FNTB: variants seen among roughly 807,000 people sequenced by gnomAD.
FNTB encodes the protein farnesyltransferase, CAAX box, subunit beta.
A neutral mutation model predicts 59.4 loss-of-function variants in FNTB; 27 were observed. The ratio of observed to expected loss-of-function variants is 0.45; its 90% CI spans 0.34 to 0.63. The LOEUF (loss-of-function observed/expected upper bound fraction) is 0.63, where lower values mean the gene tolerates loss of function less well. FNTB is among the 20% of genes least tolerant of loss of function. FNTB has a pLI of 0.02. For missense variants in FNTB, 449 were observed against 559.6 expected (o/e 0.80, Z 1.99); for synonymous variants, 230 against 220.7 (o/e 1.04, Z -0.37).
intron 1 of FNTB, among the ~76,000 whole-genome samples, chr14:65,002,510 G>A (rs891147079): frequency 6.6e-6 from 1 of 152,182 alleles, no homozygotes; most frequent in African/African-American, 2.4e-5. Flanking sequence ...TTGGGAGGCT[G>A]AGGCAGGAGA....
At position 65,012,705 on chromosome 14, in the gene FNTB, C is replaced by T. The variant is rs1452353833; in HGVS notation, c.282+316C>T. Among the ~76,000 whole-genome samples the T allele has an allele frequency of 2.0e-5, 3 of 152,214 alleles. No individual in the cohort carries two copies. Among genetic ancestry groups the T allele is most frequent in the Admixed American group, 6.5e-5 (1 of 15,280 alleles). ...TGGCTAAATGCCAGTTACCTGTTCA[C>T]CCTTAACCCTTTGCCCTATAAGCTG... On this transcript the variant is annotated intron_variant, in intron 3 of 11. Transcript: ENST00000246166. The surrounding 1 kb of genome is among the most constrained non-coding windows in gnomAD (Gnocchi z 5.0).
At chr14:64,987,223 T>C in intron 1 of FNTB, 126 bp downstream of exon 1, 1 of 1,201,566 alleles carries the variant, frequency 8.3e-7, no homozygotes, top group South Asian at 1.4e-5. Flanking sequence ...CCGCGGTGCC[T>C]TTCCTCTGGG....
Position 64,986,901 on chromosome 14 carries a change from C to A in FNTB, c.-53C>A. 6.2e-7 allele frequency: 1 copy of A among 1,604,532 alleles called. No individual in the cohort carries two copies. The highest frequency in any genetic ancestry group is 1.1e-5 in the South Asian group (1 of 90,914). The stretch of plus-strand genomic sequence containing the variant: ...TTTAGCCCGCTCGAGTTTCAATGCG[C>A]GTTGTTGCTTAACGAAGCAGAGTCC... On this transcript the variant is annotated 5_prime_UTR_variant, in exon 1 of 12. Transcript: ENST00000246166.
chr14:65,037,741 A>ATTTATTTATTAT (rs372196330), intron 7 of FNTB, among the ~76,000 whole-genome samples: 4 of 132,718 alleles, frequency 3.0e-5, no homozygotes, highest in Admixed American at 7.9e-5. Context: ...TTATTTATTT[A>ATTTATTTATTAT]TTATTTATTT....
At chr14:65,004,659 TTTCTTTTTC>T (rs1462690245) in intron 2 of FNTB, among the ~76,000 whole-genome samples, 1 of 152,108 alleles carries the variant, frequency 6.6e-6, no homozygotes, top group African/African-American at 2.4e-5. Context: ...TTTCTTTTTC[TTTCTTTTTC>T]TTTTTTTTTT....
chr14:65,040,688 C>A, intron 7 of FNTB, 102 bp from the exon 8 acceptor site: 1 of 1,340,210 alleles, frequency 7.5e-7, no homozygotes, highest in Middle Eastern at 3.0e-4. Flanking sequence ...ATGGTTCACA[C>A]CTTAATCTGA....
chr14:65,048,240 C>G (rs1232711078), intron 9 of FNTB, among the ~76,000 whole-genome samples: 7 of 151,586 alleles, frequency 4.6e-5, no homozygotes, highest in Non-Finnish European at 8.8e-5. Flanking sequence ...TCCTTGGCCA[C>G]ACAAAGTGCT....
intron 1 of FNTB, among the ~76,000 whole-genome samples, chr14:64,988,714 G>C (rs1471166600): frequency 1.3e-5 from 2 of 152,134 alleles, no homozygotes; most frequent in African/African-American, 4.8e-5. Context: ...TTACAGTCGT[G>C]AGCCACTGCT....
rs1298883361 is a variant in FNTB at position 64,990,138 on chromosome 14, G to T, written c.144+3041G>T. On this transcript the variant is annotated intron_variant, in intron 1 of 11. Coordinates refer to ENST00000246166, the MANE Select transcript of FNTB (RefSeq NM_002028.4). The surrounding 1 kb of genome is among the most constrained non-coding windows in gnomAD (Gnocchi z 5.2). ...AGCAGGGGGCTTAGCAAACCAGAGA[G>T]TAGGAGATGGGTCGGATCATGTAGG... is the stretch of plus-strand genomic sequence containing the variant. Among the ~76,000 whole-genome samples, 4 of 152,186 alleles carry T rather than the reference G, an allele frequency of 2.6e-5. No individual in the cohort carries two copies. The highest frequency in any genetic ancestry group is 9.7e-5 in the African/African-American group (4 of 41,442).
intron 8 of FNTB, among the ~76,000 whole-genome samples, chr14:65,043,127 G>C (rs1243221260): frequency 6.6e-6 from 1 of 152,168 alleles, no homozygotes; most frequent in African/African-American, 2.4e-5. Flanking sequence ...CCTTTCAGTT[G>C]AGTGAGGCAG....
intron 7 of FNTB, among the ~76,000 whole-genome samples, chr14:65,035,406 T>C (rs2062165731): frequency 6.6e-6 from 1 of 152,168 alleles, no homozygotes; most frequent in Non-Finnish European, 1.5e-5. Flanking sequence ...TGTACAGCTG[T>C]CATTTGCAGG....
In FNTB at chr14:64,987,108, A is replaced by C. The variant is rs375130871; in HGVS notation, c.144+11A>C. ...ACGTCCATAGAACAGGTGAGGTGGCAGGACTGGGCGAGGCGCCCGCGCGAT... is the reference window on the plus strand; with the variant it reads ...ACGTCCATAGAACAGGTGAGGTGGCCGGACTGGGCGAGGCGCCCGCGCGAT... On this transcript the variant is annotated intron_variant, in intron 1 of 11. Coordinates refer to ENST00000246166, the MANE Select transcript of FNTB (RefSeq NM_002028.4). The C allele has an allele frequency of 2.5e-6, 4 of 1,613,944 alleles. No homozygotes were observed. The highest frequency in any genetic ancestry group is 2.7e-5 in the African/African-American group (2 of 74,948).
Position 65,032,739 on chromosome 14 carries a change from C to T in FNTB, c.692+43C>T, listed in dbSNP as rs774228792. The T allele has an allele frequency of 4.1e-5, 64 of 1,580,110 alleles. No individual in the cohort carries two copies. The South Asian group carries it at 5.9e-4, about 15-fold the overall frequency. The stretch of plus-strand genomic sequence containing the variant: ...TTCTCCTGGCCTCTTGGAGAGCAGG[C>T]GGTCACGACACTACTTCAGAAAAAT... On this transcript the variant is annotated intron_variant, in intron 7 of 11. Coordinates refer to ENST00000246166, the MANE Select transcript of FNTB (RefSeq NM_002028.4). The surrounding 1 kb of genome is among the most constrained non-coding windows in gnomAD (Gnocchi z 5.0).
At chr14:65,004,685 A>G (rs994206014) in intron 2 of FNTB, among the ~76,000 whole-genome samples, 2 of 151,120 alleles carry the variant, frequency 1.3e-5, no homozygotes, top group East Asian at 3.9e-4. Flanking sequence ...TTTTTGAGAC[A>G]GCGTTTCGCT....
chr14:65,038,927 T>C (rs55918235), intron 7 of FNTB, among the ~76,000 whole-genome samples: 15,047 of 152,242 alleles, frequency 0.099, 990 homozygotes, highest in Admixed American at 0.17. Context: ...TCTGGGGATA[T>C]TTTGTCCTCT....
rs1344442565 is a variant in FNTB at position 65,054,979 on chromosome 14, A to AG, written c.1182+292dup. The stretch of plus-strand genomic sequence containing the variant: ...TGCTGGTATTAGCTTCCCCTAGAGG[A>AG]GGCCACAGTTACGTGTCACTCTGAG... On this transcript the variant is annotated intron_variant, in intron 11 of 11. Transcript: ENST00000246166. The surrounding 1 kb of genome is among the most constrained non-coding windows in gnomAD (Gnocchi z 4.4). Among the ~76,000 whole-genome samples the AG allele has an allele frequency of 1.3e-5, 2 of 152,182 alleles. No homozygotes were observed. The highest frequency in any genetic ancestry group is 4.8e-5 in the African/African-American group (2 of 41,446).
chr14:65,037,323 C>G (rs1222616664), intron 7 of FNTB, among the ~76,000 whole-genome samples: 3 of 139,258 alleles, frequency 2.2e-5, no homozygotes, highest in African/African-American at 7.9e-5. Context: ...AGGCTGGTCT[C>G]GAACTCCTGA....
intron 1 of FNTB, among the ~76,000 whole-genome samples, chr14:65,000,515 T>C (rs1057059246): frequency 6.6e-6 from 1 of 152,078 alleles, no homozygotes; most frequent in Admixed American, 6.6e-5. Context: ...AGTAGGTTTT[T>C]AAAGGACAAG....
intron 1 of FNTB, among the ~76,000 whole-genome samples, chr14:64,989,272 C>CA (rs58654871): frequency 0.068 from 4,714 of 69,712 alleles, 441 homozygotes; most frequent in African/African-American, 0.21. Flanking sequence ...CTGTCTCTAC[C>CA]AAAAAAAAAA....
Sources: allele counts gnomAD v4.1 joint callset (sites outside exome capture counted in the v4.1 genomes callset), GRCh38; gene constraint gnomAD v4.1.1; non-coding constraint Gnocchi (gnomAD v3.1); transcripts MANE v1.5; gene names NCBI Gene and HGNC (gene_info 2026-07-23, HGNC 2026-07-21).